KIF21B: variants seen among roughly 807,000 people sequenced by gnomAD.
The protein encoded by KIF21B is kinesin family member 21B, also known as kinesin-like protein KIF21B.
KIF21B carries 85 observed loss-of-function variants against 192.9 expected under a neutral mutation model. The ratio of observed to expected loss-of-function variants is 0.44; its 90% CI spans 0.37 to 0.53. The LOEUF (loss-of-function observed/expected upper bound fraction) is 0.53. Ranked by LOEUF, KIF21B falls within the 20% of genes least tolerant of loss-of-function variation. The pLI, the probability that KIF21B is intolerant of heterozygous loss-of-function variation, is 0.00. For missense variants in KIF21B, 1,716 were observed against 2,194.8 expected, an observed-to-expected ratio of 0.78 and a Z score of 4.36; for synonymous variants, 832 against 884.6, an observed-to-expected ratio of 0.94 and a Z score of 1.05.
rs1156626488 is a variant in KIF21B, at chr1:200,975,729, A to G, written c.4444-60T>C. 5.3e-6 allele frequency: 8 copies of G among 1,502,784 alleles called. No individual in the cohort carries two copies. Among genetic ancestry groups the G allele is most frequent in the Non-Finnish European group, 7.2e-6 (8 of 1,115,664 alleles). 93.1% of individuals were successfully genotyped at this position (1,502,784 alleles called of 1,614,324 possible). On this transcript the variant is annotated intron_variant, in intron 32 of 34. Transcript: ENST00000461742. This position sits in a 1 kb window ranked among gnomAD's most constrained non-coding sequence, Gnocchi z 4.3. ...TGGGAGGATGGAAGGCAGGGCCTAC[A>G]GCACTGTGGACCCAGAGGCCTGAAG...
Position 201,004,757 on chromosome 1 carries a change from T to C in KIF21B, c.900+9A>G. ...GGGTGCTGGGGCTGATGACCCACCA[T>C]GTGCCTACCAGGCCACAGTTGATGG... is the stretch of plus-strand genomic sequence containing the variant. On this transcript the variant is annotated intron_variant, in intron 6 of 34. Transcript: ENST00000461742. 6.2e-7 allele frequency: 1 copy of C among 1,614,058 alleles called. No individual in the cohort carries two copies. Among genetic ancestry groups the C allele is most frequent in the Non-Finnish European group, 8.5e-7 (1 of 1,180,010 alleles).
chr1:200,975,463 C>A lies in KIF21B; in HGVS notation c.4614+36G>T. 1 of 1,580,602 alleles carries A rather than the reference C, an allele frequency of 6.3e-7. No homozygotes were observed. Reference sequence around the variant, plus strand: ...TGCGTGGGCTATGGAAACCACCCTACCCGAGTCTACCCTCTCCCTTTCCTC... The same window carrying A: ...TGCGTGGGCTATGGAAACCACCCTAACCGAGTCTACCCTCTCCCTTTCCTC... On this transcript the variant is annotated intron_variant, in intron 33 of 34. Transcript: ENST00000461742. The surrounding 1 kb of genome is among the most constrained non-coding windows in gnomAD (Gnocchi z 4.3).
At chr1:201,006,638 T>A (rs1657840488) in intron 3 of KIF21B, among the ~76,000 whole-genome samples, 1 of 152,120 alleles carries the variant, frequency 6.6e-6, no homozygotes, top group South Asian at 2.1e-4. Flanking sequence ...TCATTTGACC[T>A]CTTGTGGTTC....
rs757576371 is a variant in KIF21B, at chr1:200,999,479, C to T, written c.1768-13G>A. 1 of 1,612,298 alleles carries T rather than the reference C, an allele frequency of 6.2e-7. No individual in the cohort carries two copies. On this transcript the variant is annotated splice_polypyrimidine_tract_variant and intron_variant, in intron 12 of 34. Transcript: ENST00000461742. This position sits in a 1 kb window ranked among gnomAD's most constrained non-coding sequence, Gnocchi z 4.7. Reference sequence around the variant, plus strand: ...GCTCTTCCTCCTCCTGGGCACCAGGCACCATTGGGGTGGGCCTGGCCTCAG... The same window carrying T: ...GCTCTTCCTCCTCCTGGGCACCAGGTACCATTGGGGTGGGCCTGGCCTCAG...
At position 201,002,259 on chromosome 1, in the gene KIF21B, C is replaced by T. The variant is rs1357614372; in HGVS notation, c.1304G>A (p.Arg435Gln). The T allele has an allele frequency of 5.0e-6, 8 of 1,614,102 alleles. No individual in the cohort carries two copies. Among genetic ancestry groups the T allele is most frequent in the Non-Finnish European group, 6.8e-6 (8 of 1,180,044 alleles). Residue 435 changes from arginine to glutamine, a missense_variant, in exon 9 of 35, where the codon CGG becomes CAG. Around this residue, in one of 3 missense-constraint regions of KIF21B, gnomAD observed 1,087 missense variants for 1,316.6 expected, o/e 0.83. Transcript: ENST00000461742. Reference protein sequence around the residue: ...AMLQKENGALRLRVKAMQEAI... With the variant: ...AMLQKENGALQLRVKAMQEAI... ...CTCCTGCATGGCTTTCACCCGCAGCCGCAGGGCCCCATTCTCCTTCTGTAG... is the reference window on the plus strand; with the variant it reads ...CTCCTGCATGGCTTTCACCCGCAGCTGCAGGGCCCCATTCTCCTTCTGTAG...
At chr1:201,007,523 GACACACAGACAC>G (rs1266451002) in intron 3 of KIF21B, among the ~76,000 whole-genome samples, 1 of 107,180 alleles carries the variant, frequency 9.3e-6, no homozygotes, top group Non-Finnish European at 2.0e-5. Context: ...CACACACAGA[GACACACAGACAC>G]ACACACAGAC....
chr1:201,005,215 G>A (rs1657741251), intron 5 of KIF21B, 93 bp downstream of exon 5: 1 of 1,462,782 alleles, frequency 6.8e-7, no homozygotes, highest in Admixed American at 2.3e-5. Context: ...CCTCAATCTG[G>A]TTTGCTATTT....
intron 3 of KIF21B, among the ~76,000 whole-genome samples, chr1:201,008,436 G>C (rs796895350): frequency 1.4e-4 from 22 of 152,272 alleles, no homozygotes; most frequent in African/African-American, 4.8e-4. Context: ...TAAGGAAACA[G>C]GTACCACCCC....
rs1658545697 is a variant in KIF21B, at chr1:201,017,041, CTCT to C, written c.41+6299_41+6301del. On this transcript the variant is annotated intron_variant, in intron 1 of 34. Transcript: ENST00000461742. This position sits in a 1 kb window ranked among gnomAD's most constrained non-coding sequence, Gnocchi z 4.1. ...TTCAGGACTCTGACCCCACCCCCTC[CTCT>C]TGAGTGTCCTTGACCTTACTAGGGT... Among the ~76,000 whole-genome samples, 1 of 152,132 alleles carries C rather than the reference CTCT, an allele frequency of 6.6e-6. No homozygotes were observed. The highest frequency in any genetic ancestry group is 6.5e-5 in the Admixed American group (1 of 15,280).
rs936638540 is a variant in KIF21B at position 201,023,215 on chromosome 1, C to T, written c.41+128G>A. On this transcript the variant is annotated intron_variant, in intron 1 of 34. Transcript: ENST00000461742. The surrounding 1 kb of genome is among the most constrained non-coding windows in gnomAD (Gnocchi z 5.9). ...AGCGCGCGGCGCCCTCCATCCCGTCCCACGCCGGCCCCTCCTCCGGGAGTG... is the reference window on the plus strand; with the variant it reads ...AGCGCGCGGCGCCCTCCATCCCGTCTCACGCCGGCCCCTCCTCCGGGAGTG... 1.2e-5 allele frequency: 9 copies of T among 752,934 alleles called. No individual in the cohort carries two copies. The highest frequency in any genetic ancestry group is 1.7e-5 in the Non-Finnish European group (9 of 520,028). 46.6% of individuals were successfully genotyped at this position (752,934 alleles called of 1,614,324 possible).
intron 34 of KIF21B, chr1:200,973,942 C>A (rs1409596557): frequency 1.3e-6 from 2 of 1,527,618 alleles, no homozygotes; most frequent in Admixed American, 2.0e-5. Flanking sequence ...AGGCAGGGCA[C>A]CTCTCTAGGC....
chr1:200,990,947 G>A lies in KIF21B; in HGVS notation c.2657C>T (p.Ala886Val), dbSNP rs201355461. 2.2e-5 allele frequency: 36 copies of A among 1,614,144 alleles called. No individual in the cohort carries two copies. The highest frequency in any genetic ancestry group is 2.7e-5 in the African/African-American group (2 of 75,060). The change falls in exon 18 of 35, where the codon GCG becomes GTG. Residue 886 changes from alanine to valine, a missense_variant. Physicochemically the swap from Ala to Val is moderately conservative, Grantham distance 64. This residue lies in a region of KIF21B where 1,087 missense variants were observed against 1,316.6 expected (regional missense o/e 0.83). Transcript: ENST00000461742. This position sits in a 1 kb window ranked among gnomAD's most constrained non-coding sequence, Gnocchi z 5.4. ...KINHFLGDHP[A>V]PTVNGTRPAR... is the part of the protein sequence containing the mutation. ...AGGACGGGTGCCATTGACAGTGGGCGCAGGATGGTCCCCCAAGAAGTGGTT... is the reference window on the plus strand; with the variant it reads ...AGGACGGGTGCCATTGACAGTGGGCACAGGATGGTCCCCCAAGAAGTGGTT...
Position 200,979,555 on chromosome 1 carries a change from G to A in KIF21B, c.4140C>T (p.Ala1380=), listed in dbSNP as rs751273459. The change falls in exon 30 of 35, where the codon GCC becomes GCT. Residue 1380 remains alanine (A), a synonymous_variant. Transcript: ENST00000461742. ...CTCACGTGAGAGTCCGAATGCACTT[G>A]GCTGAGTCCCGGATGTCCCACACCT... is the stretch of plus-strand genomic sequence containing the variant. ...YIKVWDIRDS[A]KCIRTLTSSG... 1 of 1,563,772 alleles carries A rather than the reference G, an allele frequency of 6.4e-7. No individual in the cohort carries two copies. Among genetic ancestry groups the A allele is most frequent in the Admixed American group, 1.9e-5 (1 of 52,252 alleles).
intron 32 of KIF21B, 126 bp downstream of exon 32, chr1:200,976,650 G>A (rs296561): frequency 3.6e-6 from 2 of 553,450 alleles, no homozygotes; most frequent in Admixed American, 6.5e-5. Flanking sequence ...CCTTCTTTGG[G>A]GTGATTTCTT....
rs764097273 is a variant in KIF21B, at chr1:201,000,668, T to C, written c.1466+49A>G. On this transcript the variant is annotated intron_variant, in intron 10 of 34. Coordinates refer to ENST00000461742, the MANE Select transcript of KIF21B (RefSeq NM_001252102.2). This position sits in a 1 kb window ranked among gnomAD's most constrained non-coding sequence, Gnocchi z 6.0. ...AGCTGCCACAGCCCTTGGCGTCACC[T>C]GGCCGAGGCCCCCAGCCCGCGCACA... 1 of 1,613,340 alleles carries C rather than the reference T, an allele frequency of 6.2e-7. No individual in the cohort carries two copies. Among genetic ancestry groups the C allele is most frequent in the Non-Finnish European group, 8.5e-7 (1 of 1,179,474 alleles).
chr1:201,008,660 GC>G, intron 3 of KIF21B, 108 bp downstream of exon 3: 3 of 1,017,092 alleles, frequency 2.9e-6, no homozygotes, highest in Non-Finnish European at 4.3e-6. Context: ...ACCTGGAGAT[GC>G]CCCCATGGTT....
At position 201,009,067 on chromosome 1, in the gene KIF21B, C is replaced by T. The variant is rs1030311243; in HGVS notation, c.265-116G>A. 31 of 1,305,368 alleles carry T rather than the reference C, an allele frequency of 2.4e-5. No individual in the cohort carries two copies. The Admixed American group carries it at 5.0e-4, about 21-fold the overall frequency. 80.9% of individuals were successfully genotyped at this position (1,305,368 alleles called of 1,614,324 possible). ...ACCTCCCAGCCCGGTTCCCCTGCTG[C>T]TTTCTTGGTCCTGAAGCCACACTCT... On this transcript the variant is annotated intron_variant, in intron 2 of 34. Coordinates refer to ENST00000461742, the MANE Select transcript of KIF21B (RefSeq NM_001252102.2).
Position 200,988,289 on chromosome 1 carries a change from G to T in KIF21B, c.3408+7C>A. 6 of 1,613,524 alleles carry T rather than the reference G, an allele frequency of 3.7e-6. No homozygotes were observed. Among genetic ancestry groups the T allele is most frequent in the African/African-American group, 1.3e-5 (1 of 75,000 alleles). ...GCACCCACTGCCTGACTTCCGGCGG[G>T]GCTCACCTTGAACTTGAAATCGTCA... On this transcript the variant is annotated splice_region_variant and intron_variant, in intron 24 of 34. Transcript: ENST00000461742.
rs758745163 is a variant in KIF21B, at chr1:201,002,281, G to C, written c.1282C>G (p.Gln428Glu). Residue 428 changes from glutamine to glutamate, a missense_variant, in exon 9 of 35, where the codon CAG (glutamine) becomes GAG (glutamate). Gln to Glu is a conservative substitution (Grantham distance 29, BLOSUM62 2). Coordinates refer to ENST00000461742, the MANE Select transcript of KIF21B (RefSeq NM_001252102.2). ...SDLFRENAML[Q>E]KENGALRLRV... The stretch of plus-strand genomic sequence containing the variant: ...AGCCGCAGGGCCCCATTCTCCTTCT[G>C]TAGCATGGCATTCTCTCGGAACAGA... The C allele has an allele frequency of 1.2e-6, 2 of 1,614,180 alleles. No individual in the cohort carries two copies. Among genetic ancestry groups the C allele is most frequent in the Non-Finnish European group, 1.7e-6 (2 of 1,180,018 alleles).
Sources: gnomAD v4.1 joint callset for allele counts (sites outside exome capture counted in the v4.1 genomes callset) on GRCh38, gnomAD v4.1.1 for gene constraint, gnomAD v4.1.1 regional missense constraint, Gnocchi (gnomAD v3.1) non-coding constraint, MANE v1.5 for transcripts, NCBI Gene and HGNC (gene_info 2026-07-23, HGNC 2026-07-21) for gene names.